TMCO4: variants seen among roughly 807,000 people sequenced by gnomAD.
The protein encoded by TMCO4 is transmembrane and coiled-coil domains 4.
A neutral mutation model predicts 64.7 loss-of-function variants in TMCO4; 58 were observed. The ratio of observed to expected loss-of-function variants is 0.90; its 90% confidence interval spans 0.73 to 1.12. The LOEUF is 1.12. TMCO4 is among the 50% of genes most tolerant of loss of function. The pLI, the probability that TMCO4 is intolerant of heterozygous loss-of-function variation, is 0.00. For synonymous variants in TMCO4, 325 were observed against 346.1 expected (o/e 0.94, Z 0.68); for missense variants, 780 against 825.9 (o/e 0.94, Z 0.68).
chr1:19,724,700 C>T (rs1570768748), intron 13 of TMCO4, among the ~76,000 whole-genome samples: 1 of 152,158 alleles, frequency 6.6e-6, no homozygotes, highest in Non-Finnish European at 1.5e-5. Context: ...CAGACAGTAA[C>T]TAGTGGAGTC....
In TMCO4 at chr1:19,734,335, T is replaced by C. The variant is rs2095443484; in HGVS notation, c.1264+3037A>G. On this transcript the variant is annotated intron_variant, in intron 13 of 15. Coordinates refer to ENST00000294543, the MANE Select transcript of TMCO4 (RefSeq NM_181719.7). This position sits in a 1 kb window ranked among gnomAD's most constrained non-coding sequence, Gnocchi z 4.4. ...TAGAGGCCCTTGGGGTCTGCCGAGTTGCTGCCGTGTGAGTGTGTGCAGATG... is the reference window on the plus strand; with the variant it reads ...TAGAGGCCCTTGGGGTCTGCCGAGTCGCTGCCGTGTGAGTGTGTGCAGATG... 2.0e-5 allele frequency among the ~76,000 whole-genome samples: 3 copies of C among 151,890 alleles called. No homozygotes were observed. The South Asian group carries it at 6.2e-4, about 31-fold the overall frequency.
rs368198555 is a variant in TMCO4 at position 19,734,646 on chromosome 1, G to A, written c.1264+2726C>T. On this transcript the variant is annotated intron_variant, in intron 13 of 15. Coordinates refer to ENST00000294543, the MANE Select transcript of TMCO4 (RefSeq NM_181719.7). This position sits in a 1 kb window ranked among gnomAD's most constrained non-coding sequence, Gnocchi z 4.4. ...GGCTGCAGAGACACCAGATGCCACC[G>A]TTTCTAGACACCCCTGAGAGCCCCG... is the stretch of plus-strand genomic sequence containing the variant. Among the ~76,000 whole-genome samples, 235 of 152,130 alleles carry A rather than the reference G, an allele frequency of 1.5e-3. No individual in the cohort carries two copies. The highest frequency in any genetic ancestry group is 4.7e-3 in the African/African-American group (196 of 41,500).
At chr1:19,797,497 G>T (rs990724985) in intron 2 of TMCO4, among the ~76,000 whole-genome samples, 1 of 152,252 alleles carries the variant, frequency 6.6e-6, no homozygotes, top group Admixed American at 6.5e-5. Flanking sequence ...TCTGAGATGC[G>T]GCTGGAGGTG....
chr1:19,687,539 G>A (rs1323969902), intron 15 of TMCO4, among the ~76,000 whole-genome samples: 1 of 152,146 alleles, frequency 6.6e-6, no homozygotes, highest in East Asian at 1.9e-4. Context: ...AGTTTCCTAC[G>A]AGTGGGGGAT....
chr1:19,788,749 C>T (rs186637725), intron 2 of TMCO4, among the ~76,000 whole-genome samples: 117 of 152,264 alleles, frequency 7.7e-4, no homozygotes, highest in Admixed American at 2.4e-3. Flanking sequence ...CAGAATTCGA[C>T]TGCATATACA....
intron 7 of TMCO4, 23 bp from the exon 8 acceptor site, chr1:19,747,283 T>G (rs2041838741): frequency 6.2e-7 from 1 of 1,603,916 alleles, no homozygotes. Context: ...AGGCTGGTCT[T>G]TAGGGCCAGC....
chr1:19,753,515 C>T (rs541601981), intron 7 of TMCO4, among the ~76,000 whole-genome samples: 10 of 152,230 alleles, frequency 6.6e-5, no homozygotes, highest in South Asian at 4.2e-4. Context: ...AGGGGTGGTA[C>T]GTCACACTCT....
At position 19,778,940 on chromosome 1, in the gene TMCO4, G is replaced by A. The variant is rs117599372; in HGVS notation, c.179+1640C>T. On this transcript the variant is annotated intron_variant, in intron 4 of 15. Coordinates refer to ENST00000294543, the MANE Select transcript of TMCO4 (RefSeq NM_181719.7). ...AGTGTGGTGGTTGCAGAGATGGGTC[G>A]CTGGGCATACAGGTGGAACAATGCC... 6.0e-4 allele frequency among the ~76,000 whole-genome samples: 91 copies of A among 152,308 alleles called. No individual in the cohort carries two copies. The East Asian group carries it at 0.016, about 27-fold the overall frequency.
At chr1:19,685,706 G>GTTTT (rs1359019281) in intron 15 of TMCO4, among the ~76,000 whole-genome samples, 2 of 49,842 alleles carry the variant, frequency 4.0e-5, no homozygotes, top group Non-Finnish European at 8.1e-5. Flanking sequence ...ATCCAGGCCT[G>GTTTT]TTTCTTTTTT....
chr1:19,687,826 G>A (rs2095161613), intron 15 of TMCO4, among the ~76,000 whole-genome samples: 1 of 152,228 alleles, frequency 6.6e-6, no homozygotes, highest in African/African-American at 2.4e-5. Context: ...ACTGAGAGCT[G>A]TCCTAGAACA....
chr1:19,716,765 C>G (rs1165863242), intron 13 of TMCO4, among the ~76,000 whole-genome samples: 1 of 152,152 alleles, frequency 6.6e-6, no homozygotes, highest in Non-Finnish European at 1.5e-5. Flanking sequence ...ACACCACTTG[C>G]AAAGGGCCCG....
chr1:19,731,448 C>T (rs1320601943), intron 13 of TMCO4, among the ~76,000 whole-genome samples: 1 of 152,202 alleles, frequency 6.6e-6, no homozygotes, highest in Admixed American at 6.5e-5. Flanking sequence ...TTGGCTATGT[C>T]TCACATAAGT....
chr1:19,690,972 C>G (rs2095189060), intron 15 of TMCO4, among the ~76,000 whole-genome samples: 1 of 151,310 alleles, frequency 6.6e-6, no homozygotes, highest in Non-Finnish European at 1.5e-5. Flanking sequence ...GGGGTCATGC[C>G]ATTCTCCTGC....
chr1:19,784,262 G>C (rs757695461), intron 3 of TMCO4, among the ~76,000 whole-genome samples: 1 of 152,170 alleles, frequency 6.6e-6, no homozygotes, highest in East Asian at 1.9e-4. Flanking sequence ...GGCTGGGCGC[G>C]GTAGCTCACG....
At chr1:19,684,632 C>A (rs564181751) in intron 15 of TMCO4, among the ~76,000 whole-genome samples, 1 of 152,222 alleles carries the variant, frequency 6.6e-6, no homozygotes, top group African/African-American at 2.4e-5. Flanking sequence ...ACAGCATAGA[C>A]TGCAAGGTGC....
chr1:19,786,927 A>C (rs2043772779), intron 3 of TMCO4, 99 bp downstream of exon 3: 1 of 152,222 alleles, frequency 6.6e-6, no homozygotes, highest in Admixed American at 6.5e-5. Flanking sequence ...TTGGGAGATT[A>C]TATTCTAGAG....
At chr1:19,700,030 A>G (rs1033502075) in intron 14 of TMCO4, among the ~76,000 whole-genome samples, 5 of 152,234 alleles carry the variant, frequency 3.3e-5, no homozygotes, top group Admixed American at 6.5e-5. Context: ...CTCTGAAAAC[A>G]CGTTTGCTTC....
chr1:19,700,105 A>C (rs1392192502), intron 14 of TMCO4, among the ~76,000 whole-genome samples: 3 of 152,140 alleles, frequency 2.0e-5, no homozygotes, highest in Non-Finnish European at 4.4e-5. Context: ...TTTTGGGTTT[A>C]ATCTTCCCTC....
rs765370599 is a variant in TMCO4 at position 19,694,506 on chromosome 1, C to G, written c.1428G>C (p.Gln476His). Residue 476 changes from glutamine (Q) to histidine (H), a missense_variant, in exon 15 of 16, where the codon CAG becomes CAC. Transcript: ENST00000294543. ...LSFVYRTSSV[Q>H]LRVAGLQPVL... is the part of the protein sequence containing the mutation. ...CGGGCTGTAGGCCGGCGACACGGAG[C>G]TGCACCGAGGATGTGCGGTACACGA... The G allele has an allele frequency of 1.2e-6, 2 of 1,614,126 alleles. No individual in the cohort carries two copies.
Sources: gnomAD v4.1 joint callset for allele counts (sites outside exome capture counted in the v4.1 genomes callset) on GRCh38, gnomAD v4.1.1 for gene constraint, Gnocchi (gnomAD v3.1) non-coding constraint, MANE v1.5 for transcripts, NCBI Gene and HGNC (gene_info 2026-07-23, HGNC 2026-07-21) for gene names.